The following CUBN variants were observed in gnomAD, a reference collection of about 807,000 sequenced individuals.
The protein encoded by CUBN is cubilin, also known as 460 kDa receptor.
CUBN carries 282 observed loss-of-function variants against 405.3 expected under a neutral mutation model. The observed-to-expected ratio is 0.70, with a 90% CI of 0.63 to 0.77. The LOEUF is 0.77. Ranked by LOEUF, CUBN falls within the 30% of genes least tolerant of loss-of-function variation. The pLI, the probability that CUBN is intolerant of heterozygous loss-of-function variation, is 0.00. For synonymous variants in CUBN, 1,684 were observed against 1,617.0 expected (o/e 1.04, Z -0.99); for missense variants, 4,514 against 4,475.2 (o/e 1.01, Z -0.25).
chr10:16,874,287 A>T, intron 58 of CUBN, 87 bp downstream of exon 58: 1 of 1,374,022 alleles, frequency 7.3e-7, no homozygotes, highest in African/African-American at 1.4e-5. Context: ...GCCGATGAGA[A>T]TCAGTGCCCT....
At chr10:16,851,649 C>CATCT (rs1839691008) in intron 59 of CUBN, among the ~76,000 whole-genome samples, 1 of 143,012 alleles carries the variant, frequency 7.0e-6, no homozygotes. Flanking sequence ...TCTCTCCCTC[C>CATCT]TTCCCTCCCT....
intron 31 of CUBN, among the ~76,000 whole-genome samples, chr10:16,957,895 CAA>C (rs61261595): frequency 3.1e-4 from 42 of 133,816 alleles, no homozygotes; most frequent in South Asian, 1.6e-3. Flanking sequence ...ATAGACTTCT[CAA>C]AAAAAAAAAA....
chr10:17,032,364 G>T (rs747036844), intron 27 of CUBN, among the ~76,000 whole-genome samples: 34 of 152,158 alleles, frequency 2.2e-4, no homozygotes, highest in Non-Finnish European at 4.4e-4. Context: ...ATCACAGCTG[G>T]TAAAGAGCTT....
At chr10:17,117,410 T>C (rs563954254) in intron 6 of CUBN, among the ~76,000 whole-genome samples, 1 of 152,326 alleles carries the variant, frequency 6.6e-6, no homozygotes, top group South Asian at 2.1e-4. Flanking sequence ...AGTCTCACTC[T>C]GTCACCCAGG....
intron 56 of CUBN, among the ~76,000 whole-genome samples, chr10:16,883,878 T>C (rs1265994548): frequency 6.6e-6 from 1 of 152,256 alleles, no homozygotes; most frequent in East Asian, 1.9e-4. Flanking sequence ...GTTTACAGTT[T>C]ACGGCGTGTA....
At chr10:17,087,731 T>A (rs755364325) in intron 15 of CUBN, among the ~76,000 whole-genome samples, 10 of 152,072 alleles carry the variant, frequency 6.6e-5, no homozygotes, top group Non-Finnish European at 1.3e-4. Flanking sequence ...CACCTTGGCC[T>A]CCCAAAGTGC....
intron 14 of CUBN, among the ~76,000 whole-genome samples, chr10:17,098,411 A>G (rs889773348): frequency 1.9e-4 from 29 of 152,362 alleles, no homozygotes; most frequent in Admixed American, 1.2e-3. Flanking sequence ...AGTAGTTGAC[A>G]TAGGAAAGAA....
intron 27 of CUBN, among the ~76,000 whole-genome samples, chr10:17,024,441 T>TA (rs936493727): frequency 1.3e-5 from 2 of 152,216 alleles, no homozygotes; most frequent in Non-Finnish European, 2.9e-5. Context: ...TGTAATAAAT[T>TA]AAAATTACAA....
intron 53 of CUBN, among the ~76,000 whole-genome samples, chr10:16,900,164 A>G (rs1409688745): frequency 1.3e-5 from 2 of 152,236 alleles, no homozygotes; most frequent in Non-Finnish European, 2.9e-5. Flanking sequence ...CATATAAACC[A>G]AGGCTCTTTA....
In CUBN at chr10:17,112,606, C is replaced by T. The variant is rs143318407; in HGVS notation, c.883+1421G>A. Among the ~76,000 whole-genome samples the T allele has an allele frequency of 9.9e-5, 15 of 151,704 alleles. No homozygotes were observed. In the East Asian group the frequency reaches 2.9e-3, roughly 29 times the overall value. On this transcript the variant is annotated intron_variant, in intron 8 of 66. Coordinates refer to ENST00000377833, the MANE Select transcript of CUBN (RefSeq NM_001081.4). ...ATAAATTACCTTCAAAATGTGATTG[C>T]TTGCAAATTGTGCTTGCCCCTGAGA...
chr10:16,862,158 TCTCACACA>T (rs1346925806), intron 59 of CUBN, among the ~76,000 whole-genome samples: 8 of 90,794 alleles, frequency 8.8e-5, no homozygotes, highest in African/African-American at 4.2e-4. Context: ...TCTCTCTCTC[TCTCACACA>T]CACACACACA....
chr10:16,971,773 A>AC lies in CUBN; in HGVS notation c.4695+10710dup, dbSNP rs112443276. On this transcript the variant is annotated intron_variant, in intron 31 of 66. Coordinates refer to ENST00000377833, the MANE Select transcript of CUBN (RefSeq NM_001081.4). ...TCTCACATTCAGCTGCTCTTTTTCC[A>AC]CCTGCCCTCTTCACACAACTTATAT... 8.8e-3 allele frequency among the ~76,000 whole-genome samples: 1,336 copies of AC among 151,486 alleles called. 26 individuals are homozygous for AC. The highest frequency in any genetic ancestry group is 0.031 in the African/African-American group (1,278 of 41,334).
chr10:16,928,826 G>A (rs1278321031), intron 40 of CUBN, among the ~76,000 whole-genome samples: 3 of 151,828 alleles, frequency 2.0e-5, no homozygotes, highest in Admixed American at 1.3e-4. Flanking sequence ...TGATAAAGAC[G>A]TCTTTGACAG....
chr10:17,008,825 A>G (rs925662548), intron 28 of CUBN, among the ~76,000 whole-genome samples: 3 of 152,250 alleles, frequency 2.0e-5, no homozygotes, highest in African/African-American at 4.8e-5. Flanking sequence ...CTAGCTCTGT[A>G]GAGTAGAAAC....
At chr10:16,978,737 A>G (rs1175955977) in intron 31 of CUBN, among the ~76,000 whole-genome samples, 4 of 152,208 alleles carry the variant, frequency 2.6e-5, no homozygotes, top group Non-Finnish European at 4.4e-5. Flanking sequence ...ATATACACAA[A>G]TGAAAGATGA....
intron 17 of CUBN, among the ~76,000 whole-genome samples, chr10:17,072,702 A>T (rs1396147797): frequency 6.6e-6 from 1 of 152,182 alleles, no homozygotes; most frequent in Non-Finnish European, 1.5e-5. Flanking sequence ...ATGGGTGGGG[A>T]TATAAAAGAC....
At chr10:16,848,570 G>T (rs944146176) in intron 60 of CUBN, among the ~76,000 whole-genome samples, 4 of 151,962 alleles carry the variant, frequency 2.6e-5, no homozygotes, top group African/African-American at 9.7e-5. Flanking sequence ...GCAAAATTGG[G>T]TTAGAGTCCC....
At chr10:16,925,053 T>C (rs538093146) in intron 43 of CUBN, among the ~76,000 whole-genome samples, 188 bp downstream of exon 43, 2 of 152,316 alleles carry the variant, frequency 1.3e-5, no homozygotes, top group Admixed American at 6.5e-5. Flanking sequence ...ATCTTTAAAA[T>C]GGAAATAATG....
intron 31 of CUBN, among the ~76,000 whole-genome samples, chr10:16,966,435 A>T (rs962047283): frequency 6.8e-6 from 1 of 146,762 alleles, no homozygotes; most frequent in African/African-American, 2.5e-5. Context: ...TCTCACCTGG[A>T]CCCTTATGCT....
Sources: allele counts gnomAD v4.1 joint callset (sites outside exome capture counted in the v4.1 genomes callset), GRCh38; gene constraint gnomAD v4.1.1; transcripts MANE v1.5; gene names NCBI Gene and HGNC (gene_info 2026-07-23, HGNC 2026-07-21).